The following SDSL variants were observed in gnomAD, a reference collection of about 807,000 sequenced individuals.
SDSL encodes serine dehydratase like.
Under a neutral mutation model 27.6 loss-of-function variants are expected in SDSL, and 26 were observed. The observed-to-expected ratio is 0.94, with a 90% CI of 0.69 to 1.31. The LOEUF (loss-of-function observed/expected upper bound fraction) is 1.31, where lower values mean the gene tolerates loss of function less well. Ranked by LOEUF, SDSL falls within the 50% of genes most tolerant of loss-of-function variation. The pLI is 0.00. For synonymous variants in SDSL, 196 were observed against 180.6 expected, an observed-to-expected ratio of 1.09 and a Z score of -0.69; for missense variants, 431 against 423.5, an observed-to-expected ratio of 1.02 and a Z score of -0.16.
At chr12:113,435,843 A>C (rs762510276) in intron 6 of SDSL, among the ~76,000 whole-genome samples, 2 of 152,246 alleles carry the variant, frequency 1.3e-5, no homozygotes, top group Non-Finnish European at 2.9e-5. Flanking sequence ...TAGGCCAGGC[A>C]CCATGGCTCA....
chr12:113,438,243 G>A lies in SDSL; in HGVS notation c.*164G>A, dbSNP rs936829758. 3.3e-5 allele frequency: 18 copies of A among 546,368 alleles called. No homozygotes were observed. Among genetic ancestry groups the A allele is most frequent in the South Asian group, 2.2e-4 (8 of 36,242 alleles). 33.8% of individuals were successfully genotyped at this position (546,368 alleles called of 1,614,324 possible). ...CCTGGACTGCTTCTTTTGGCTCTCC[G>A]ACAACTCCGGCCAATAAACACTTTC... On this transcript the variant is annotated 3_prime_UTR_variant, in exon 8 of 8. Transcript: ENST00000403593.
chr12:113,425,969 AGAGC>A (rs781597930), intron 1 of SDSL: 3 of 371,918 alleles, frequency 8.1e-6, no homozygotes, highest in Non-Finnish European at 1.1e-5. Context: ...AGCCTGGGCA[AGAGC>A]GAGACTCCCT....
chr12:113,428,512 G>C (rs1183919964), intron 3 of SDSL, 53 bp downstream of exon 3: 60 of 1,544,694 alleles, frequency 3.9e-5, no homozygotes, highest in Non-Finnish European at 4.8e-5. Flanking sequence ...GGAGGAATAG[G>C]CTGGAGCGGC....
intron 4 of SDSL, among the ~76,000 whole-genome samples, chr12:113,432,481 A>G (rs1485877396): frequency 6.6e-6 from 1 of 151,738 alleles, no homozygotes. Flanking sequence ...AGCTGGGATT[A>G]CAGGTGCACG....
At position 113,429,390 on chromosome 12, in the gene SDSL, C is replaced by T. The variant is rs774233714; in HGVS notation, c.354+91C>T. ...AAGACATCCTGTCTCCTTTTCCTTT[C>T]GATGAGCTGTGGCTGGGACCCAGTC... On this transcript the variant is annotated intron_variant, in intron 4 of 7. Coordinates refer to ENST00000403593, the MANE Select transcript of SDSL (RefSeq NM_001304993.2). The T allele has an allele frequency of 4.2e-4, 577 of 1,383,940 alleles. 1 individual carries two copies. Among genetic ancestry groups the T allele is most frequent in the Non-Finnish European group, 5.4e-4 (541 of 1,004,812 alleles). The allele number at this position is 1,383,940 out of a possible 1,614,324, so 85.7% of individuals were successfully genotyped here. A position where few individuals can be genotyped will look rare whatever the true frequency, so the allele number is the denominator to read the frequency against.
At chr12:113,423,807 A>G (rs1281093232) in intron 1 of SDSL, among the ~76,000 whole-genome samples, 2 of 152,086 alleles carry the variant, frequency 1.3e-5, no homozygotes, top group African/African-American at 4.8e-5. Flanking sequence ...CATCCTGACA[A>G]TCCCAGGATC....
At chr12:113,428,196 C>T in intron 2 of SDSL, 40 bp downstream of exon 2, 1 of 1,559,282 alleles carries the variant, frequency 6.4e-7, no homozygotes, top group Non-Finnish European at 8.7e-7. Context: ...TGAGGTTGTG[C>T]AGGAGGGAGG....
Position 113,429,242 on chromosome 12 carries a change from C to A in SDSL, c.297C>A (p.Ser99=). ...CCATCGTGCTCCCCGAGAGCACCTC[C>A]CTGCAGGTGGTGCAGAGGCTGCAGG... ...PATIVLPEST[S]LQVVQRLQGE... is the part of the protein sequence containing the mutation. Residue 99 remains serine (S), a synonymous_variant, in exon 4 of 8, where the codon TCC becomes TCA. Coordinates refer to ENST00000403593, the MANE Select transcript of SDSL (RefSeq NM_001304993.2). 3.1e-6 allele frequency: 5 copies of A among 1,613,840 alleles called. No individual in the cohort carries two copies. The highest frequency in any genetic ancestry group is 4.2e-6 in the Non-Finnish European group (5 of 1,179,800).
At chr12:113,426,382 C>T in intron 1 of SDSL, 1 of 364,232 alleles carries the variant, frequency 2.7e-6, no homozygotes, top group Non-Finnish European at 5.6e-6. Flanking sequence ...CGTGAAAAAC[C>T]CCAAACCACA....
At chr12:113,431,714 C>T (rs541202584) in intron 4 of SDSL, among the ~76,000 whole-genome samples, 139 of 150,856 alleles carry the variant, frequency 9.2e-4, no homozygotes, top group African/African-American at 3.3e-3. Context: ...GCTGGGATTA[C>T]AGGCACCCAC....
chr12:113,434,617 C>T (rs1957967660), intron 5 of SDSL, among the ~76,000 whole-genome samples: 1 of 152,164 alleles, frequency 6.6e-6, no homozygotes, highest in Non-Finnish European at 1.5e-5. Flanking sequence ...AACAACTTGC[C>T]CCGGATCACA....
At chr12:113,422,724 G>C (rs1957806318) in intron 1 of SDSL, 1 of 152,294 alleles carries the variant, frequency 6.6e-6, no homozygotes, top group Admixed American at 6.5e-5. Context: ...CAGAGGGGCA[G>C]GGTTGGGCAT....
At chr12:113,426,240 A>T (rs985831967) in intron 1 of SDSL, 3 of 455,400 alleles carry the variant, frequency 6.6e-6, no homozygotes, top group African/African-American at 2.0e-5. Flanking sequence ...CTCTGTAGGA[A>T]CTTTTCCTCT....
At chr12:113,432,252 CTTTCTTTCTTTCTT>C (rs1435154287) in intron 4 of SDSL, among the ~76,000 whole-genome samples, 4 of 140,682 alleles carry the variant, frequency 2.8e-5, no homozygotes, top group African/African-American at 1.1e-4. Flanking sequence ...TTCTTTCTTT[CTTTCTTTCTTTCTT>C]TCTTTCTTTC....
At position 113,435,471 on chromosome 12, in the gene SDSL, A is replaced by G. The variant is rs1957978449; in HGVS notation, c.586A>G (p.Ile196Val). Reference sequence around the variant, plus strand: ...GGAGGTGGGCTGGCAGCATGTACCCATCATTGCCATGGAGACCCATGGGGC... The same window carrying G: ...GGAGGTGGGCTGGCAGCATGTACCCGTCATTGCCATGGAGACCCATGGGGC... ...LLEVGWQHVPIIAMETHGAHC... is the reference protein window; with the variant it reads ...LLEVGWQHVPVIAMETHGAHC... The change falls in exon 6 of 8, where the codon ATC (isoleucine) becomes GTC (valine). Residue 196 changes from isoleucine (I) to valine (V), a missense_variant. Transcript: ENST00000403593. 2 of 1,614,104 alleles carry G rather than the reference A, an allele frequency of 1.2e-6. No individual in the cohort carries two copies. Among genetic ancestry groups the G allele is most frequent in the South Asian group, 1.1e-5 (1 of 91,080 alleles).
At chr12:113,428,498 GGGA>G in intron 3 of SDSL, 39 bp downstream of exon 3, 1 of 1,594,250 alleles carries the variant, frequency 6.3e-7, no homozygotes, top group Non-Finnish European at 8.6e-7. Context: ...CAGAGGTTGG[GGGA>G]GGAGGAATAG....
At chr12:113,431,808 G>A (rs1226579888) in intron 4 of SDSL, among the ~76,000 whole-genome samples, 2 of 150,328 alleles carry the variant, frequency 1.3e-5, no homozygotes, top group Non-Finnish European at 3.0e-5. Context: ...GTACAATCTC[G>A]GCTCACTGCA....
In SDSL at chr12:113,437,925, C is replaced by G. The variant is rs1958019370; in HGVS notation, c.836C>G (p.Ala279Gly). Residue 279 changes from alanine (A) to glycine (G), a missense_variant, in exon 8 of 8, where the codon GCC becomes GGC. Transcript: ENST00000403593. ...RMLVEPACGA[A>G]LAAIYSGLLR... ...CTGGTGGAGCCTGCCTGTGGGGCAG[C>G]CTTAGCAGCCATCTACTCAGGCCTC... 6.2e-7 allele frequency: 1 copy of G among 1,613,180 alleles called. No homozygotes were observed. The highest frequency in any genetic ancestry group is 2.2e-5 in the East Asian group (1 of 44,870).
Position 113,435,493 on chromosome 12 carries a change from G to T in SDSL, c.608G>T (p.Gly203Val). Residue 203 changes from glycine (G) to valine (V), a missense_variant, in exon 6 of 8, where the codon GGG becomes GTG. Coordinates refer to ENST00000403593, the MANE Select transcript of SDSL (RefSeq NM_001304993.2). ...CCCATCATTGCCATGGAGACCCATG[G>T]GGCACACTGCTTCAATGCGGCCATC... ...HVPIIAMETHGAHCFNAAITA... is the reference protein window; with the variant it reads ...HVPIIAMETHVAHCFNAAITA... The T allele has an allele frequency of 6.2e-7, 1 of 1,614,154 alleles. No homozygotes were observed. The highest frequency in any genetic ancestry group is 8.5e-7 in the Non-Finnish European group (1 of 1,180,004).
Sources: allele counts gnomAD v4.1 joint callset (sites outside exome capture counted in the v4.1 genomes callset), GRCh38; gene constraint gnomAD v4.1.1; transcripts MANE v1.5; gene names NCBI Gene and HGNC (gene_info 2026-07-23, HGNC 2026-07-21).